RTN4: variants seen among roughly 807,000 people sequenced by gnomAD.
The protein encoded by RTN4 is reticulon 4.
Under a neutral mutation model 90.4 loss-of-function variants are expected in RTN4, and 32 were observed. The ratio of observed to expected loss-of-function variants is 0.35; its 90% CI spans 0.27 to 0.48. RTN4 has a LOEUF of 0.48. RTN4 is among the 20% of genes least tolerant of loss of function. RTN4 has a pLI of 0.99. For missense variants in RTN4, 1,706 were observed against 1,430.2 expected (o/e 1.19, Z -3.11); for synonymous variants, 629 against 552.5 (o/e 1.14, Z -1.94).
At position 54,981,283 on chromosome 2, in the gene RTN4, G is replaced by GT. The variant is rs1287152941; in HGVS notation, c.3360+1231dup. Among the ~76,000 whole-genome samples the GT allele has an allele frequency of 5.1e-4, 74 of 145,236 alleles. No individual in the cohort carries two copies. The East Asian group carries it at 6.5e-3, about 13-fold the overall frequency. ...AGGTTATAAAGGCTAAAATGTTTTT[G>GT]TTTTTTTTTTTTAAAAAGCACTTTA... On this transcript the variant is annotated intron_variant, in intron 5 of 8. Transcript: ENST00000337526.
chr2:54,997,021 A>T (rs2104725428), intron 3 of RTN4, among the ~76,000 whole-genome samples: 1 of 152,362 alleles, frequency 6.6e-6, no homozygotes, highest in Admixed American at 6.5e-5. Context: ...CAAAAGAAGA[A>T]AAAAGATAAA....
At chr2:55,004,998 G>A (rs1396581154) in intron 3 of RTN4, among the ~76,000 whole-genome samples, 1 of 152,034 alleles carries the variant, frequency 6.6e-6, no homozygotes, top group Non-Finnish European at 1.5e-5. Flanking sequence ...GGGAAGAAAG[G>A]GCCTTCAAGG....
intron 3 of RTN4, among the ~76,000 whole-genome samples, chr2:54,992,284 G>A (rs1419216221): frequency 2.0e-5 from 3 of 152,128 alleles, no homozygotes; most frequent in Non-Finnish European, 4.4e-5. Context: ...GATTCCTATG[G>A]ATAAAAACTC....
At chr2:55,033,855 TCAAA>T (rs1286066322) in intron 1 of RTN4, among the ~76,000 whole-genome samples, 1 of 152,204 alleles carries the variant, frequency 6.6e-6, no homozygotes, top group African/African-American at 2.4e-5. Context: ...ATATATCACC[TCAAA>T]CATTTTTCTT....
intron 1 of RTN4, 135 bp downstream of exon 1, chr2:55,049,610 G>A: frequency 1.4e-6 from 2 of 1,419,932 alleles, no homozygotes; most frequent in Non-Finnish European, 1.9e-6. Context: ...ACCAGACGGG[G>A]CGCCATCGCC....
chr2:54,986,849 T>C (rs767502509), intron 4 of RTN4, among the ~76,000 whole-genome samples: 3 of 152,152 alleles, frequency 2.0e-5, no homozygotes, highest in Non-Finnish European at 4.4e-5. Context: ...ATATGAATTA[T>C]ATGTCAATTA....
At chr2:55,036,461 G>T (rs899262336) in intron 1 of RTN4, among the ~76,000 whole-genome samples, 4 of 151,788 alleles carry the variant, frequency 2.6e-5, no homozygotes, top group African/African-American at 9.7e-5. Context: ...AATCACCCAG[G>T]TGTGGTGGCG....
rs779972934 is a variant in RTN4, at chr2:54,982,650, T to G, written c.3225A>C (p.Ala1075=). ...QKSDEGHPFR[A]YLESEVAISE... Reference sequence around the variant, plus strand: ...ATATAGCAACTTCAGATTCCAGATATGCCCTAGAAAACAAAACACATCATA... The same window carrying G: ...ATATAGCAACTTCAGATTCCAGATAGGCCCTAGAAAACAAAACACATCATA... The change falls in exon 5 of 9, where the codon GCA becomes GCC. Residue 1075 remains alanine, a synonymous_variant. Coordinates refer to ENST00000337526, the MANE Select transcript of RTN4 (RefSeq NM_020532.5). 2.4e-5 allele frequency: 39 copies of G among 1,604,208 alleles called. No individual in the cohort carries two copies. The highest frequency in any genetic ancestry group is 3.2e-5 in the Non-Finnish European group (38 of 1,176,670).
intron 2 of RTN4, among the ~76,000 whole-genome samples, chr2:55,077,756 TACACACACACACAC>T (rs200121610): frequency 2.1e-5 from 3 of 144,350 alleles, no homozygotes; most frequent in Non-Finnish European, 4.5e-5. Context: ...AAATGTTTTA[TACACACACACACAC>T]ACACACACAC....
chr2:55,114,844 T>C (rs989343609), upstream of RTN4, among the ~76,000 whole-genome samples: 2 of 152,124 alleles, frequency 1.3e-5, no homozygotes, highest in African/African-American at 2.4e-5. Context: ...GCGTGAAGAA[T>C]AGCCACCCCC....
At chr2:55,062,510 G>A (rs1007097603) in intron 2 of RTN4, among the ~76,000 whole-genome samples, 19 of 152,162 alleles carry the variant, frequency 1.2e-4, no homozygotes, top group African/African-American at 4.6e-4. Flanking sequence ...CACTCCTATC[G>A]CATGCCCTGA....
chr2:55,134,249 C>T, the RTN4 span, among the ~76,000 whole-genome samples: 521 of 152,294 alleles, frequency 3.4e-3, 5 homozygotes, highest in African/African-American at 0.012. Flanking sequence ...CTCTTTACCG[C>T]ATCCTGTTTT....
chr2:55,057,888 C>T (rs2968793), intron 2 of RTN4, among the ~76,000 whole-genome samples: 49,090 of 152,014 alleles, frequency 0.32, 8,843 homozygotes, highest in East Asian at 0.58. Flanking sequence ...GAGGCTAAGA[C>T]GGGAGGATCG....
chr2:54,984,799 G>A (rs1001437215), intron 4 of RTN4, among the ~76,000 whole-genome samples: 1 of 152,122 alleles, frequency 6.6e-6, no homozygotes, highest in East Asian at 1.9e-4. Flanking sequence ...ACTATAAAAG[G>A]ACTTTAAGAA....
chr2:55,008,738 T>C (rs1049757702), intron 3 of RTN4, among the ~76,000 whole-genome samples: 1 of 152,154 alleles, frequency 6.6e-6, no homozygotes, highest in African/African-American at 2.4e-5. Context: ...TGTTATTTAA[T>C]GATTTAAGAC....
At chr2:55,055,494 G>A (rs1233945780), upstream of RTN4, among the ~76,000 whole-genome samples, 2 of 152,268 alleles carry the variant, frequency 1.3e-5, no homozygotes, top group Admixed American at 6.5e-5. Context: ...TTGGCCGGGC[G>A]CGGTGGCTCA....
chr2:54,986,975 AGAT>A (rs770665454), intron 4 of RTN4, among the ~76,000 whole-genome samples: 15 of 152,198 alleles, frequency 9.9e-5, no homozygotes, highest in Non-Finnish European at 1.8e-4. Context: ...CAAGGGTAGA[AGAT>A]GATAGTTGAG....
intron 3 of RTN4, among the ~76,000 whole-genome samples, chr2:54,997,473 T>C (rs1042347652): frequency 3.9e-5 from 6 of 152,198 alleles, no homozygotes; most frequent in Admixed American, 1.3e-4. Context: ...AATACAGAGT[T>C]ATCTTATTAC....
chr2:54,990,413 G>A (rs1474255559), intron 3 of RTN4, among the ~76,000 whole-genome samples: 1 of 152,054 alleles, frequency 6.6e-6, no homozygotes, highest in African/African-American at 2.4e-5. Flanking sequence ...TAAAAAAATA[G>A]GAATGATCTC....
Sources: allele counts gnomAD v4.1 joint callset (sites outside exome capture counted in the v4.1 genomes callset), GRCh38; gene constraint gnomAD v4.1.1; transcripts MANE v1.5; gene names NCBI Gene and HGNC (gene_info 2026-07-23, HGNC 2026-07-21).